Variants in PLEKHA8 observed in about 807,000 individuals in gnomAD.
PLEKHA8 encodes the protein pleckstrin homology domain containing A8, also known as pleckstrin homology domain-containing family A member 8.
PLEKHA8 carries 36 observed loss-of-function variants against 68.2 expected under a neutral mutation model. The observed-to-expected ratio is 0.53, with a 90% CI of 0.40 to 0.70. The LOEUF (loss-of-function observed/expected upper bound fraction) is 0.70, where lower values mean the gene tolerates loss of function less well. PLEKHA8 is among the 30% of genes least tolerant of loss of function. PLEKHA8 has a pLI of 0.00. For synonymous variants in PLEKHA8, 211 were observed against 216.1 expected (o/e 0.98, Z 0.20); for missense variants, 505 against 615.4 (o/e 0.82, Z 1.90).
At chr7:30,043,100 C>G (rs540152084) in intron 1 of PLEKHA8, among the ~76,000 whole-genome samples, 205 of 152,282 alleles carry the variant, frequency 1.3e-3, no homozygotes, top group African/African-American at 4.8e-3. Flanking sequence ...CTTCCAGGCT[C>G]AAGCAGTCCT....
rs533789557 is a variant in PLEKHA8, at chr7:30,051,298, A to G, written c.638+824A>G. On this transcript the variant is annotated intron_variant, in intron 6 of 13. Transcript: ENST00000449726. Reference sequence around the variant, plus strand: ...GTTATTTCCAGTTTTCTCCTGTTCTAAATATTCTTACTAGGAGCATATTTG... The same window carrying G: ...GTTATTTCCAGTTTTCTCCTGTTCTGAATATTCTTACTAGGAGCATATTTG... 1.1e-3 allele frequency among the ~76,000 whole-genome samples: 171 copies of G among 152,172 alleles called. 1 individual carries two copies. The highest frequency in any genetic ancestry group is 3.8e-3 in the African/African-American group (159 of 41,506).
chr7:30,119,322 C>T (rs1242160589), intron 13 of PLEKHA8, among the ~76,000 whole-genome samples: 1 of 152,172 alleles, frequency 6.6e-6, no homozygotes, highest in Non-Finnish European at 1.5e-5. Context: ...ATTTTAATTT[C>T]CTCCTTTTTA....
At chr7:30,115,659 TGTA>T (rs777487219) in intron 13 of PLEKHA8, among the ~76,000 whole-genome samples, 35 of 151,686 alleles carry the variant, frequency 2.3e-4, no homozygotes, top group Non-Finnish European at 4.6e-4. Context: ...TACACATACA[TGTA>T]TACGTGTATA....
chr7:30,116,063 TACGTATAC>T (rs1796523923), intron 13 of PLEKHA8: 1 of 143,234 alleles, frequency 7.0e-6, no homozygotes, highest in African/African-American at 2.6e-5. Context: ...TACGTATGCA[TACGTATAC>T]ATGTATACAT....
chr7:30,110,143 C>A (rs1001703322), intron 13 of PLEKHA8, among the ~76,000 whole-genome samples: 5 of 152,134 alleles, frequency 3.3e-5, no homozygotes, highest in South Asian at 2.1e-4. Flanking sequence ...GCATTACCCC[C>A]AAGAGCAACC....
At position 30,084,403 on chromosome 7, in the gene PLEKHA8, G is replaced by T; in HGVS notation, c.*5616G>T. The T allele has an allele frequency of 5.1e-6, 5 of 985,384 alleles. No homozygotes were observed. Among genetic ancestry groups the T allele is most frequent in the Non-Finnish European group, 4.8e-6 (4 of 829,910 alleles). 61.0% of individuals were successfully genotyped at this position (985,384 alleles called of 1,614,324 possible). ...AGAAGGCAAGTTAAACTATAAAAGT[G>T]TCAAGTGGCTTGTTAACTTCTTAAT... is the stretch of plus-strand genomic sequence containing the variant. On this transcript the variant is annotated 3_prime_UTR_variant, in exon 14 of 14. Coordinates refer to ENST00000449726, the MANE Select transcript of PLEKHA8 (RefSeq NM_001197026.2).
At chr7:30,038,755 G>A (rs1007685565) in intron 1 of PLEKHA8, among the ~76,000 whole-genome samples, 1 of 152,110 alleles carries the variant, frequency 6.6e-6, no homozygotes, top group African/African-American at 2.4e-5. Context: ...CTTGTCACAA[G>A]GCTGCTGAAA....
intron 13 of PLEKHA8, among the ~76,000 whole-genome samples, chr7:30,119,451 T>C (rs985321994): frequency 2.0e-5 from 3 of 152,206 alleles, no homozygotes; most frequent in African/African-American, 7.2e-5. Context: ...AAGATTGAGA[T>C]AATGTCTCAA....
chr7:30,058,395 T>G (rs936163876), intron 9 of PLEKHA8, among the ~76,000 whole-genome samples: 3 of 152,056 alleles, frequency 2.0e-5, no homozygotes, highest in Non-Finnish European at 4.4e-5. Context: ...TTCTAGACTC[T>G]TCTAACTTTT....
In PLEKHA8 at chr7:30,078,079, CCCTT is replaced by C. The variant is rs1184420058; in HGVS notation, c.1363-506_1363-503del. The stretch of plus-strand genomic sequence containing the variant: ...CACAAGCAAACAATAAATGTTAGCT[CCCTT>C]CCTTTCTAGAAAGCATTCAAGAGTG... On this transcript the variant is annotated intron_variant, in intron 13 of 13. Transcript: ENST00000449726. Among the ~76,000 whole-genome samples the C allele has an allele frequency of 5.3e-5, 8 of 152,274 alleles. No individual in the cohort carries two copies. The South Asian group carries it at 1.4e-3, about 28-fold the overall frequency.
intron 13 of PLEKHA8, among the ~76,000 whole-genome samples, chr7:30,104,486 T>G (rs889082386): frequency 6.6e-6 from 1 of 152,120 alleles, no homozygotes; most frequent in African/African-American, 2.4e-5. Context: ...GGAATACCAC[T>G]CAGCAATAAC....
chr7:30,075,310 C>T (rs1429537294), intron 13 of PLEKHA8, among the ~76,000 whole-genome samples: 8 of 152,210 alleles, frequency 5.3e-5, no homozygotes, highest in Admixed American at 5.2e-4. Flanking sequence ...AATGAAGCTA[C>T]AGACTGCTCA....
intron 5 of PLEKHA8, 166 bp downstream of exon 5, chr7:30,049,548 T>C (rs1297093051): frequency 1.2e-6 from 1 of 845,760 alleles, no homozygotes; most frequent in East Asian, 2.9e-5. Context: ...CCATATCCAG[T>C]CAGTTATTTG....
At chr7:30,089,877 A>G (rs1203206265) in intron 12 of PLEKHA8, among the ~76,000 whole-genome samples, 1 of 152,186 alleles carries the variant, frequency 6.6e-6, no homozygotes, top group Non-Finnish European at 1.5e-5. Flanking sequence ...TATAGAACAA[A>G]TAAATATATT....
At chr7:30,049,078 T>C in intron 4 of PLEKHA8, 146 bp from the exon 5 acceptor site, 1 of 898,332 alleles carries the variant, frequency 1.1e-6, no homozygotes, top group East Asian at 2.5e-5. Context: ...ATAGATAAAT[T>C]GGGCTTTTCT....
intron 13 of PLEKHA8, among the ~76,000 whole-genome samples, chr7:30,097,398 C>G (rs1023181708): frequency 6.6e-6 from 1 of 152,114 alleles, no homozygotes; most frequent in Admixed American, 6.5e-5. Context: ...GGGAAGTTCT[C>G]CTAGATAATA....
intron 1 of PLEKHA8, among the ~76,000 whole-genome samples, chr7:30,029,168 C>T (rs761436560): frequency 2.6e-5 from 4 of 152,360 alleles, no homozygotes; most frequent in African/African-American, 4.8e-5. Flanking sequence ...ACCGTACTCC[C>T]TTGGCTCGCA....
At chr7:30,067,845 T>G (rs544559296) in intron 12 of PLEKHA8, among the ~76,000 whole-genome samples, 5 of 152,370 alleles carry the variant, frequency 3.3e-5, no homozygotes, top group Admixed American at 6.5e-5. Flanking sequence ...ATTGTATGAA[T>G]AGACCATGGT....
chr7:30,089,718 T>G (rs1562543362), intron 12 of PLEKHA8, among the ~76,000 whole-genome samples: 2 of 151,960 alleles, frequency 1.3e-5, no homozygotes. Context: ...AAAAAGCTAG[T>G]CCAAGAAACA....
Sources: allele counts gnomAD v4.1 joint callset (sites outside exome capture counted in the v4.1 genomes callset), GRCh38; gene constraint gnomAD v4.1.1; transcripts MANE v1.5; gene names NCBI Gene and HGNC (gene_info 2026-07-23, HGNC 2026-07-21).